DOCK5: variants seen among roughly 807,000 people sequenced by gnomAD.
DOCK5 encodes dedicator of cytokinesis 5.
Under a neutral mutation model 251.8 loss-of-function variants are expected in DOCK5, and 142 were observed. The ratio of observed to expected loss-of-function variants is 0.56; its 90% confidence interval spans 0.49 to 0.65. DOCK5 has a LOEUF of 0.65. Ranked by LOEUF, DOCK5 falls within the 30% of genes least tolerant of loss-of-function variation. The pLI is 0.00. For synonymous variants in DOCK5, 842 were observed against 835.5 expected (o/e 1.01, Z -0.13); for missense variants, 2,111 against 2,312.3 (o/e 0.91, Z 1.79).
intron 50 of DOCK5, chr8:25,409,334 A>G (rs1290193019): frequency 4.7e-6 from 1 of 211,574 alleles, no homozygotes; most frequent in East Asian, 9.9e-5. Flanking sequence ...ACAACACTTG[A>G]GAAGAATTGC....
intron 2 of DOCK5, among the ~76,000 whole-genome samples, chr8:25,254,805 A>C (rs1232125975): frequency 6.9e-6 from 1 of 144,278 alleles, no homozygotes; most frequent in Non-Finnish European, 1.5e-5. Flanking sequence ...AAAAAAAAAA[A>C]CATTTGATAA....
chr8:25,299,192 A>G (rs546738559), intron 8 of DOCK5, 91 bp downstream of exon 8: 1 of 1,425,040 alleles, frequency 7.0e-7, no homozygotes, highest in Admixed American at 2.5e-5. Flanking sequence ...GCCAGATTTG[A>G]GAAGAGAAAA....
chr8:25,369,438 C>T (rs1304445084), intron 33 of DOCK5, 118 bp from the exon 34 acceptor site: 2 of 757,586 alleles, frequency 2.6e-6, no homozygotes, highest in African/African-American at 3.5e-5. Context: ...GTGATCCTCC[C>T]TGTCTGTGCT....
rs1801691450 is a variant in DOCK5 at position 25,415,452 on chromosome 8, A to G, written c.*4154A>G. The G allele has an allele frequency of 6.6e-6, 1 of 152,194 alleles. No homozygotes were observed. The allele number at this position is 152,194 out of a possible 1,614,324, so 9.4% of individuals were successfully genotyped here. On this transcript the variant is annotated 3_prime_UTR_variant, in exon 52 of 52. Coordinates refer to ENST00000276440, the MANE Select transcript of DOCK5 (RefSeq NM_024940.8). ...GTTGGACCATCAATTCTAATCTACA[A>G]AAGGAAATTCATGATTTCACTCTGA...
At chr8:25,364,296 AACCCTAAG>A (rs1274889858) in intron 29 of DOCK5, among the ~76,000 whole-genome samples, 4 of 152,196 alleles carry the variant, frequency 2.6e-5, no homozygotes, top group African/African-American at 9.7e-5. Context: ...TTACACCAGA[AACCCTAAG>A]CTTAAACAGA....
chr8:25,317,010 A>G lies in DOCK5; in HGVS notation c.1322A>G (p.Asp441Gly). Residue 441 changes from aspartate to glycine, a missense_variant, in exon 14 of 52, where the codon GAT (aspartate) becomes GGT (glycine). Transcript: ENST00000276440. The part of the protein sequence containing the change: ...MGFPEIILPG[D>G]VRNDIYVTLI... ...CAGCATGCTTATCATGTTGCAGGAG[A>G]TGTTCGGAATGACATTTATGTCACC... 1 of 1,613,782 alleles carries G rather than the reference A, an allele frequency of 6.2e-7. No homozygotes were observed. The highest frequency in any genetic ancestry group is 8.5e-7 in the Non-Finnish European group (1 of 1,179,786).
chr8:25,313,697 CTG>C (rs1371159029), intron 13 of DOCK5, among the ~76,000 whole-genome samples: 1 of 152,164 alleles, frequency 6.6e-6, no homozygotes, highest in Non-Finnish European at 1.5e-5. Flanking sequence ...CTTGTGAGGC[CTG>C]TCTCCTTGGC....
At chr8:25,203,702 G>T (rs1264475708) in intron 1 of DOCK5, among the ~76,000 whole-genome samples, 1 of 152,176 alleles carries the variant, frequency 6.6e-6, no homozygotes, top group Non-Finnish European at 1.5e-5. Flanking sequence ...CTCATTTGTG[G>T]CCCAAAAGAC....
intron 1 of DOCK5, among the ~76,000 whole-genome samples, chr8:25,235,753 C>CA (rs1237566314): frequency 6.6e-6 from 1 of 151,092 alleles, no homozygotes; most frequent in Non-Finnish European, 1.5e-5. Flanking sequence ...ATTCCCTTCA[C>CA]AAATATATGT....
At chr8:25,236,606 A>G (rs540916346) in intron 1 of DOCK5, among the ~76,000 whole-genome samples, 1 of 152,084 alleles carries the variant, frequency 6.6e-6, no homozygotes, top group Admixed American at 6.5e-5. Flanking sequence ...TTTGAAACAG[A>G]GTCTCACTCT....
chr8:25,391,197 CTGTGTGTGTG>C (rs760981712), intron 42 of DOCK5, among the ~76,000 whole-genome samples: 1,172 of 22,860 alleles, frequency 0.051, 25 homozygotes, highest in South Asian at 0.38. Context: ...ACCACCACAC[CTGTGTGTGTG>C]TGTGTGTGTG....
In DOCK5 at chr8:25,355,240, GA is replaced by G. The variant is rs200291739; in HGVS notation, c.2850+3423del. Among the ~76,000 whole-genome samples the G allele has an allele frequency of 1.1e-4, 16 of 148,958 alleles. No individual in the cohort carries two copies. The South Asian group carries it at 3.4e-3, about 32-fold the overall frequency. ...CAGAATGAGAACCTGTCTCTATTTA[GA>G]AAAAAAAAGGTATTTAATTTCAACA... On this transcript the variant is annotated intron_variant, in intron 27 of 51. Coordinates refer to ENST00000276440, the MANE Select transcript of DOCK5 (RefSeq NM_024940.8).
In DOCK5 at chr8:25,266,173, G is replaced by A. The variant is rs192883347; in HGVS notation, c.128-2672G>A. Among the ~76,000 whole-genome samples, 7 of 151,480 alleles carry A rather than the reference G, an allele frequency of 4.6e-5. No homozygotes were observed. The East Asian group carries it at 5.8e-4, about 13-fold the overall frequency. On this transcript the variant is annotated intron_variant, in intron 2 of 51. Transcript: ENST00000276440. The stretch of plus-strand genomic sequence containing the variant: ...TGCGGACCACTTCACACCACCCACC[G>A]ATTGCAGCTACTGATATGCCCATCA...
rs754701233 is a variant in DOCK5, at chr8:25,292,004, A to C, written c.322-20A>C. 5 of 1,534,854 alleles carry C rather than the reference A, an allele frequency of 3.3e-6. No homozygotes were observed. Among genetic ancestry groups the C allele is most frequent in the Admixed American group, 4.4e-5 (2 of 45,494 alleles). ...ACCTTTTTCTAAGAATCTTTTCTTC[A>C]TCATATTTTCTCATCTTAGAACAAC... On this transcript the variant is annotated intron_variant, in intron 5 of 51. Transcript: ENST00000276440.
At chr8:25,200,528 C>G (rs1228931371) in intron 1 of DOCK5, among the ~76,000 whole-genome samples, 1 of 152,146 alleles carries the variant, frequency 6.6e-6, no homozygotes, top group Non-Finnish European at 1.5e-5. Context: ...GATACTGAGT[C>G]GTTTGTTTAT....
chr8:25,209,171 G>GAGAGAAGTTT (rs1338665663), intron 1 of DOCK5, among the ~76,000 whole-genome samples: 5 of 75,384 alleles, frequency 6.6e-5, no homozygotes, highest in South Asian at 3.4e-4. Context: ...GAGGCTCAGA[G>GAGAGAAGTTT]CACATTAGCG....
intron 1 of DOCK5, among the ~76,000 whole-genome samples, chr8:25,201,838 G>C (rs1801886534): frequency 6.6e-6 from 1 of 152,162 alleles, no homozygotes; most frequent in Non-Finnish European, 1.5e-5. Context: ...CCCTAGCCTG[G>C]CAATCAGGTG....
At chr8:25,250,219 C>T (rs150077857) in intron 2 of DOCK5, among the ~76,000 whole-genome samples, 2 of 152,272 alleles carry the variant, frequency 1.3e-5, no homozygotes, top group African/African-American at 4.8e-5. Context: ...TCTTTTTTCA[C>T]TCATTTGACT....
intron 4 of DOCK5, chr8:25,276,966 G>T (rs1189032946): frequency 1.3e-5 from 2 of 152,180 alleles, no homozygotes; most frequent in Non-Finnish European, 2.9e-5. Context: ...GTGACTTGTG[G>T]ATAATTGCTC....
Sources: allele counts gnomAD v4.1 joint callset (sites outside exome capture counted in the v4.1 genomes callset), GRCh38; gene constraint gnomAD v4.1.1; transcripts MANE v1.5; gene names NCBI Gene and HGNC (gene_info 2026-07-23, HGNC 2026-07-21).